Variants in WIPF3 observed in about 807,000 individuals in gnomAD.
WIPF3 encodes the protein WAS/WASL-interacting protein family member 3.
Under a neutral mutation model 38.9 loss-of-function variants are expected in WIPF3, and 33 were observed. The observed-to-expected ratio is 0.85, with a 90% CI of 0.64 to 1.14. The LOEUF (loss-of-function observed/expected upper bound fraction) is 1.14, where lower values mean the gene tolerates loss of function less well. Ranked by LOEUF, WIPF3 falls within the 50% of genes most tolerant of loss-of-function variation. WIPF3 has a pLI of 0.00. For missense variants in WIPF3, 711 were observed against 652.5 expected, an observed-to-expected ratio of 1.09 and a Z score of -0.98; for synonymous variants, 324 against 269.3, an observed-to-expected ratio of 1.20 and a Z score of -1.99.
intron 2 of WIPF3, among the ~76,000 whole-genome samples, chr7:29,835,926 A>G (rs1333932594): frequency 1.3e-5 from 2 of 152,104 alleles, no homozygotes; most frequent in Non-Finnish European, 2.9e-5. Flanking sequence ...TTGGCTATGA[A>G]GGGAGAGCCT....
At position 29,832,905 on chromosome 7, in the gene WIPF3, A is replaced by C. The variant is rs117345567; in HGVS notation, c.-57-1763A>C. On this transcript the variant is annotated intron_variant, in intron 1 of 8. Transcript: ENST00000242140. ...TGTTCATAGCAGCATTTCTCACAAC[A>C]CCCCAAAGGTGAAAGCAACCCAGGC... 2.6e-4 allele frequency among the ~76,000 whole-genome samples: 40 copies of C among 152,322 alleles called. No homozygotes were observed. The East Asian group carries it at 7.1e-3, about 27-fold the overall frequency.
intron 2 of WIPF3, among the ~76,000 whole-genome samples, chr7:29,843,330 G>T (rs898507716): frequency 6.6e-6 from 1 of 152,100 alleles, no homozygotes; most frequent in African/African-American, 2.4e-5. Context: ...AAGAGGAGAG[G>T]GCTTGCAGTG....
chr7:29,817,753 T>C (rs146776409), intron 1 of WIPF3, among the ~76,000 whole-genome samples: 60 of 152,304 alleles, frequency 3.9e-4, no homozygotes, highest in Non-Finnish European at 6.9e-4. Flanking sequence ...TGAATATGGC[T>C]TTATTATTTG....
intron 7 of WIPF3, among the ~76,000 whole-genome samples, chr7:29,899,211 A>T (rs12700999): frequency 4.6e-5 from 7 of 151,508 alleles, no homozygotes; most frequent in Non-Finnish European, 1.0e-4. Flanking sequence ...CAAAAGCCAC[A>T]CCTCCAAATA....
At chr7:29,910,329 A>G (rs1205573455) in intron 8 of WIPF3, among the ~76,000 whole-genome samples, 2 of 152,226 alleles carry the variant, frequency 1.3e-5, no homozygotes, top group Admixed American at 1.3e-4. Context: ...TCATGGCTTC[A>G]CTGGTGAATT....
At chr7:29,876,995 T>C (rs558245054) in intron 3 of WIPF3, among the ~76,000 whole-genome samples, 1 of 152,342 alleles carries the variant, frequency 6.6e-6, no homozygotes, top group South Asian at 2.1e-4. Flanking sequence ...AACTCTTTAG[T>C]ACAGATCGAG....
chr7:29,879,523 G>A (rs774493702), intron 4 of WIPF3, among the ~76,000 whole-genome samples: 3 of 152,078 alleles, frequency 2.0e-5, no homozygotes, highest in South Asian at 2.1e-4. Flanking sequence ...GTAATGATTC[G>A]GTCATCATAT....
At chr7:29,849,554 C>G (rs1785058459) in intron 2 of WIPF3, among the ~76,000 whole-genome samples, 1 of 152,168 alleles carries the variant, frequency 6.6e-6, no homozygotes, top group African/African-American at 2.4e-5. Flanking sequence ...GAATTTTCAC[C>G]TTCAGTGTTC....
rs752821204 is a variant in WIPF3 at position 29,883,850 on chromosome 7, G to A, written c.356G>A (p.Gly119Asp). 5 of 1,522,256 alleles carry A rather than the reference G, an allele frequency of 3.3e-6. No individual in the cohort carries two copies. The highest frequency in any genetic ancestry group is 2.1e-5 in the Admixed American group (1 of 47,074). The allele number at this position is 1,522,256 out of a possible 1,614,324, so 94.3% of individuals were successfully genotyped here. Residue 119 changes from glycine (G) to aspartate (D), a missense_variant and splice_region_variant, in exon 5 of 9, where the codon GGT (glycine) becomes GAT (aspartate). Physicochemically the swap from Gly to Asp is moderately conservative, Grantham distance 94 (BLOSUM62 -1). Transcript: ENST00000242140. ...AACCCAGAATCTCTTTCACTTCCAG[G>A]TGGCAAGACAGGGCAGGGCCCTGGC... ...LRPAGQRDVA[G>D]GKTGQGPGSR...
intron 8 of WIPF3, among the ~76,000 whole-genome samples, chr7:29,914,193 G>T (rs1365323315): frequency 3.9e-5 from 6 of 152,126 alleles, no homozygotes; most frequent in South Asian, 2.1e-4. Context: ...TCTCCAGCAC[G>T]TTTTTTTTAT....
intron 2 of WIPF3, among the ~76,000 whole-genome samples, chr7:29,846,624 C>T (rs1391871902): frequency 2.6e-5 from 4 of 152,220 alleles, no homozygotes; most frequent in Non-Finnish European, 5.9e-5. Context: ...TCGCTTGAAC[C>T]TGGGAGGCGG....
chr7:29,867,247 A>C lies in WIPF3; in HGVS notation c.91-8583A>C, dbSNP rs368109620. Among the ~76,000 whole-genome samples the C allele has an allele frequency of 5.9e-5, 9 of 152,246 alleles. No individual in the cohort carries two copies. The South Asian group carries it at 8.3e-4, about 14-fold the overall frequency. On this transcript the variant is annotated intron_variant, in intron 2 of 8. Transcript: ENST00000242140. ...AGAAGGAGCCGGGACTCTGTAAAAG[A>C]CTGGTTATTTCAAATGAGAAAGAGA...
chr7:29,882,963 G>A (rs1185179093), intron 4 of WIPF3, among the ~76,000 whole-genome samples: 2 of 152,174 alleles, frequency 1.3e-5, no homozygotes, highest in Non-Finnish European at 2.9e-5. Context: ...TAAACAACGA[G>A]AGGAACTTTT....
At chr7:29,811,090 T>C (rs1340055486) in intron 1 of WIPF3, among the ~76,000 whole-genome samples, 1 of 151,970 alleles carries the variant, frequency 6.6e-6, no homozygotes, top group Non-Finnish European at 1.5e-5. Flanking sequence ...AGGATCTGAC[T>C]ATACTGCCCA....
chr7:29,871,344 A>G (rs529346495), intron 2 of WIPF3, among the ~76,000 whole-genome samples: 1 of 152,264 alleles, frequency 6.6e-6, no homozygotes, highest in Non-Finnish European at 1.5e-5. Flanking sequence ...TTTAGGAGAC[A>G]GGGGTAGGCT....
At chr7:29,809,438 G>A (rs1262646619) in intron 1 of WIPF3, among the ~76,000 whole-genome samples, 1 of 152,208 alleles carries the variant, frequency 6.6e-6, no homozygotes, top group Non-Finnish European at 1.5e-5. Flanking sequence ...CTGGCTGCTG[G>A]AATATTTAGA....
chr7:29,821,375 G>T (rs1784534622), intron 1 of WIPF3, among the ~76,000 whole-genome samples: 1 of 152,062 alleles, frequency 6.6e-6, no homozygotes, highest in African/African-American at 2.4e-5. Flanking sequence ...GCTTACTGCA[G>T]CCTCCACCTT....
At position 29,855,792 on chromosome 7, in the gene WIPF3, C is replaced by G. The variant is rs79427214; in HGVS notation, c.91-20038C>G. On this transcript the variant is annotated intron_variant, in intron 2 of 8. Coordinates refer to ENST00000242140, the MANE Select transcript of WIPF3 (RefSeq NM_001080529.3). The stretch of plus-strand genomic sequence containing the variant: ...TGCCCTTTCTTTGTCTCCATTTTTT[C>G]TCACTCTACTGTCCCTTTATTATTT... 7.0e-4 allele frequency among the ~76,000 whole-genome samples: 107 copies of G among 152,318 alleles called. 2 individuals carry two copies. In the East Asian group the frequency reaches 0.012, roughly 16 times the overall value.
chr7:29,881,907 C>T (rs146655770), intron 4 of WIPF3, among the ~76,000 whole-genome samples: 2,161 of 152,298 alleles, frequency 0.014, 18 homozygotes, highest in Non-Finnish European at 0.023. Flanking sequence ...TTCTAGGGCT[C>T]GGGTTTCCAT....
Sources: gnomAD v4.1 joint callset for allele counts (sites outside exome capture counted in the v4.1 genomes callset) on GRCh38, gnomAD v4.1.1 for gene constraint, MANE v1.5 for transcripts, NCBI Gene and HGNC (gene_info 2026-07-23, HGNC 2026-07-21) for gene names.